The following R3HDM2 variants were observed in gnomAD, a reference collection of about 807,000 sequenced individuals.
The protein encoded by R3HDM2 is R3H domain-containing protein 2.
In R3HDM2, 38 loss-of-function variants were observed where a neutral mutation model predicts 124.5. The ratio of observed to expected loss-of-function variants is 0.31; its 90% CI spans 0.24 to 0.40. R3HDM2 has a LOEUF of 0.40. R3HDM2 is among the 10% of genes least tolerant of loss of function. The probability of loss-of-function intolerance (pLI) is 1.00; values close to 1 mark genes in which losing one functional copy is unlikely to be tolerated. For missense variants in R3HDM2, 869 were observed against 1,236.9 expected, an observed-to-expected ratio of 0.70 and a Z score of 4.46; for synonymous variants, 391 against 448.0, an observed-to-expected ratio of 0.87 and a Z score of 1.61.
intron 2 of R3HDM2, among the ~76,000 whole-genome samples, chr12:57,331,998 C>T (rs949711210): frequency 3.3e-5 from 5 of 151,216 alleles, no homozygotes; most frequent in African/African-American, 1.2e-4. Flanking sequence ...GGTGAGGTAG[C>T]AGGATCATTT....
In R3HDM2 at chr12:57,256,406, A is replaced by G. The variant is rs777931086; in HGVS notation, c.2547+8T>C. 6.4e-7 allele frequency: 1 copy of G among 1,556,872 alleles called. No homozygotes were observed. Among genetic ancestry groups the G allele is most frequent in the Admixed American group, 1.9e-5 (1 of 52,284 alleles). On this transcript the variant is annotated splice_region_variant and intron_variant, in intron 22 of 23. Coordinates refer to ENST00000402412, the MANE Select transcript of R3HDM2 (RefSeq NM_001394031.1). Reference sequence around the variant, plus strand: ...GATGGCCCTACAGTTGCTGGTGGACACCCTTACCTGGTGCACCGTGTAAGT... The same window carrying G: ...GATGGCCCTACAGTTGCTGGTGGACGCCCTTACCTGGTGCACCGTGTAAGT...
rs1351097016 is a variant in R3HDM2, at chr12:57,266,608, A to G, written c.2131+123T>C. The G allele has an allele frequency of 1.5e-5, 11 of 734,512 alleles. No homozygotes were observed. In the Admixed American group the frequency reaches 2.4e-4, roughly 16 times the overall value. The allele number at this position is 734,512 out of a possible 1,614,324, so 45.5% of individuals were successfully genotyped here. A position where few individuals can be genotyped will look rare whatever the true frequency, so the allele number is the denominator to read the frequency against. On this transcript the variant is annotated intron_variant, in intron 19 of 23. Transcript: ENST00000402412. ...TAAGACTGTTTTTTCTTTGTGATGGAGTCACAGTGGGGACAGACCCAATAC... is the reference window on the plus strand; with the variant it reads ...TAAGACTGTTTTTTCTTTGTGATGGGGTCACAGTGGGGACAGACCCAATAC...
chr12:57,317,178 G>A (rs1253991248), intron 2 of R3HDM2, among the ~76,000 whole-genome samples: 8 of 140,230 alleles, frequency 5.7e-5, no homozygotes, highest in African/African-American at 2.0e-4. Flanking sequence ...ACCTTGCCCA[G>A]GCTTTTTGTG....
chr12:57,369,707 G>A (rs1181894587), intron 2 of R3HDM2, among the ~76,000 whole-genome samples: 2 of 152,134 alleles, frequency 1.3e-5, no homozygotes, highest in African/African-American at 4.8e-5. Context: ...CTGCCCCATG[G>A]TAAGATGGAT....
At chr12:57,295,310 G>C in intron 10 of R3HDM2, 89 bp downstream of exon 10, 1 of 878,030 alleles carries the variant, frequency 1.1e-6, no homozygotes, top group Non-Finnish European at 1.8e-6. Context: ...GATATTTTGA[G>C]TTTTCTCCAT....
At chr12:57,297,593 T>G (rs1484782917) in intron 7 of R3HDM2, among the ~76,000 whole-genome samples, 1 of 152,150 alleles carries the variant, frequency 6.6e-6, no homozygotes, top group Non-Finnish European at 1.5e-5. Flanking sequence ...CGAGTATACA[T>G]TTTGCAGGTC....
At chr12:57,314,032 T>C (rs763327165) in intron 2 of R3HDM2, among the ~76,000 whole-genome samples, 32 of 138,690 alleles carry the variant, frequency 2.3e-4, no homozygotes, top group Admixed American at 5.1e-4. Context: ...CTACTAAAAA[T>C]ACAAAATTAG....
intron 2 of R3HDM2, among the ~76,000 whole-genome samples, chr12:57,326,928 G>A (rs916347338): frequency 6.6e-5 from 10 of 151,910 alleles, no homozygotes; most frequent in Admixed American, 2.6e-4. Flanking sequence ...GGATGACAGC[G>A]CATCTGTTTA....
intron 2 of R3HDM2, among the ~76,000 whole-genome samples, chr12:57,385,245 CTTT>C (rs1162752283): frequency 2.9e-5 from 4 of 139,224 alleles, no homozygotes; most frequent in Admixed American, 7.2e-5. Flanking sequence ...AACTTAAAGA[CTTT>C]TTTTTTTTTT....
intron 2 of R3HDM2, among the ~76,000 whole-genome samples, chr12:57,357,641 CTGATTT>C (rs2061445856): frequency 8.6e-6 from 1 of 116,878 alleles, no homozygotes. Context: ...TGTAGTTTTG[CTGATTT>C]TTTTTTTTTT....
At chr12:57,426,122 G>A (rs183841266) in intron 1 of R3HDM2, among the ~76,000 whole-genome samples, 2 of 152,262 alleles carry the variant, frequency 1.3e-5, no homozygotes, top group African/African-American at 4.8e-5. Flanking sequence ...CAGCTACTTG[G>A]GAGGCTGAGG....
chr12:57,338,601 A>C (rs989995556), intron 2 of R3HDM2, among the ~76,000 whole-genome samples: 1 of 152,220 alleles, frequency 6.6e-6, no homozygotes, highest in African/African-American at 2.4e-5. Flanking sequence ...CATATAGCCC[A>C]GGCTGGTCTC....
At chr12:57,331,153 T>C (rs770513673) in intron 2 of R3HDM2, among the ~76,000 whole-genome samples, 2 of 152,186 alleles carry the variant, frequency 1.3e-5, no homozygotes, top group Non-Finnish European at 2.9e-5. Context: ...TCCCTCTAAT[T>C]GGTCTCTTTA....
chr12:57,327,076 T>G (rs1164486687), intron 2 of R3HDM2, among the ~76,000 whole-genome samples: 2 of 152,174 alleles, frequency 1.3e-5, no homozygotes, highest in Non-Finnish European at 2.9e-5. Context: ...TACAAGGAGA[T>G]TAATGTTATT....
chr12:57,297,365 A>C lies in R3HDM2; in HGVS notation c.523T>G (p.Leu175Val). The change falls in exon 8 of 24, where the codon TTA becomes GTA. Residue 175 changes from leucine (L) to valine (V), a missense_variant. Physicochemically the swap from Leu to Val is conservative, Grantham distance 32. This residue lies in a region of R3HDM2 where 267 missense variants were observed against 447.7 expected (regional missense o/e 0.60). Transcript: ENST00000402412. ...ATAAATTCCAGAATCTCCTGTTCTA[A>C]TTTTAGCAGCATCATTCTGTCCCTG... ...NPRDRMMLLK[L>V]EQEILEFIND... The C allele has an allele frequency of 6.5e-7, 1 of 1,527,336 alleles. No individual in the cohort carries two copies. The highest frequency in any genetic ancestry group is 8.9e-7 in the Non-Finnish European group (1 of 1,126,384). 94.6% of individuals were successfully genotyped at this position (1,527,336 alleles called of 1,614,324 possible).
At chr12:57,305,060 C>G (rs563930073) in intron 3 of R3HDM2, among the ~76,000 whole-genome samples, 1 of 152,222 alleles carries the variant, frequency 6.6e-6, no homozygotes, top group South Asian at 2.1e-4. Context: ...TGGTGGGCAC[C>G]TGTAATCCCA....
intron 14 of R3HDM2, among the ~76,000 whole-genome samples, chr12:57,273,108 C>T (rs2043956049): frequency 6.6e-6 from 1 of 152,118 alleles, no homozygotes; most frequent in Non-Finnish European, 1.5e-5. Flanking sequence ...TCATCTCCCT[C>T]CCAAGGGCAG....
chr12:57,411,800 G>A (rs905015894), intron 1 of R3HDM2, among the ~76,000 whole-genome samples: 2 of 152,180 alleles, frequency 1.3e-5, no homozygotes, highest in African/African-American at 4.8e-5. Flanking sequence ...ACCCCGATAT[G>A]GTTAGGCTTT....
intron 2 of R3HDM2, among the ~76,000 whole-genome samples, chr12:57,336,748 T>A (rs1013485990): frequency 6.7e-6 from 1 of 149,870 alleles, no homozygotes; most frequent in Non-Finnish European, 1.5e-5. Flanking sequence ...ATAATATGTA[T>A]AACAAACCCC....
Sources: allele counts gnomAD v4.1 joint callset (sites outside exome capture counted in the v4.1 genomes callset), GRCh38; gene constraint gnomAD v4.1.1; regional missense constraint gnomAD v4.1.1; transcripts MANE v1.5; gene names NCBI Gene and HGNC (gene_info 2026-07-23, HGNC 2026-07-21).